MYO16: variants seen among roughly 807,000 people sequenced by gnomAD.
MYO16 encodes the protein unconventional myosin-XVI.
In MYO16, 94 loss-of-function variants were observed where a neutral mutation model predicts 205.3. The observed-to-expected ratio is 0.46, with a 90% CI of 0.39 to 0.54. MYO16 has a LOEUF of 0.54. MYO16 is among the 20% of genes least tolerant of loss of function. The pLI, the probability that MYO16 is intolerant of heterozygous loss-of-function variation, is 0.00. For synonymous variants in MYO16, 988 were observed against 954.0 expected (o/e 1.04, Z -0.66); for missense variants, 2,315 against 2,387.5 (o/e 0.97, Z 0.63).
chr13:108,849,616 CTT>C (rs71201257), intron 10 of MYO16, among the ~76,000 whole-genome samples: 5,308 of 77,676 alleles, frequency 0.068, 242 homozygotes, highest in Middle Eastern at 0.081. Context: ...TGAATTTCCT[CTT>C]TTGTGTGTGT....
the MYO16 span, among the ~76,000 whole-genome samples, chr13:108,497,925 C>A: frequency 7.9e-5 from 12 of 152,168 alleles, no homozygotes; most frequent in Non-Finnish European, 1.5e-4. Flanking sequence ...AGAAATATTG[C>A]CTTCTCCTTG....
intron 16 of MYO16, among the ~76,000 whole-genome samples, chr13:108,917,135 TTGTA>T (rs1881531701): frequency 6.6e-6 from 1 of 152,060 alleles, no homozygotes; most frequent in Non-Finnish European, 1.5e-5. Flanking sequence ...CAGTTTTACT[TTGTA>T]TGTGTTTTCT....
chr13:109,150,532 A>T (rs1401378211), intron 32 of MYO16, among the ~76,000 whole-genome samples: 1 of 152,198 alleles, frequency 6.6e-6, no homozygotes, highest in Non-Finnish European at 1.5e-5. Context: ...ACCTTAACAT[A>T]TTAGCTGTAA....
intron 16 of MYO16, among the ~76,000 whole-genome samples, chr13:108,926,920 A>G (rs1177411347): frequency 1.3e-5 from 2 of 152,236 alleles, no homozygotes; most frequent in Non-Finnish European, 2.9e-5. Context: ...AGTTCTGTTT[A>G]GGCTACAGGC....
chr13:109,013,713 C>A (rs1193142774), intron 22 of MYO16, among the ~76,000 whole-genome samples: 1 of 152,188 alleles, frequency 6.6e-6, no homozygotes. Flanking sequence ...TCTCTGATGA[C>A]CAGTGGTGAT....
At chr13:108,892,389 G>A (rs1185379376) in intron 14 of MYO16, among the ~76,000 whole-genome samples, 1 of 152,054 alleles carries the variant, frequency 6.6e-6, no homozygotes, top group African/African-American at 2.4e-5. Flanking sequence ...ACAGGCGTGT[G>A]CCACCACACC....
In MYO16 at chr13:108,603,021, A is replaced by AT. The variant is rs547836507; in HGVS notation, c.-39+6784dup. Reference sequence around the variant, plus strand: ...GGTTTGGAAGTGAAATAATGAGCCTATTGAAAAGTATGTAATAAATGAGTA... The same window carrying AT: ...GGTTTGGAAGTGAAATAATGAGCCTATTTGAAAAGTATGTAATAAATGAGTA... On this transcript the variant is annotated intron_variant, in intron 1 of 24. Coordinates refer to the MYO16 transcript ENST00000251041. 1.4e-4 allele frequency among the ~76,000 whole-genome samples: 21 copies of AT among 152,344 alleles called. No individual in the cohort carries two copies. The East Asian group carries it at 3.5e-3, about 25-fold the overall frequency.
chr13:108,785,990 G>C (rs1208213982), intron 5 of MYO16, among the ~76,000 whole-genome samples: 1 of 152,184 alleles, frequency 6.6e-6, no homozygotes, highest in East Asian at 1.9e-4. Context: ...ATTTTAACAG[G>C]CATCTAAAGT....
chr13:109,010,449 A>C (rs1424599731), intron 22 of MYO16, among the ~76,000 whole-genome samples: 1 of 152,234 alleles, frequency 6.6e-6, no homozygotes, highest in African/African-American at 2.4e-5. Context: ...TGTTGCTAGT[A>C]ATCAACCACC....
intron 21 of MYO16, among the ~76,000 whole-genome samples, chr13:109,007,093 ATGTGCACAC>A (rs1282021427): frequency 6.6e-6 from 1 of 152,204 alleles, no homozygotes; most frequent in East Asian, 1.9e-4. Context: ...GGATTTAGAA[ATGTGCACAC>A]TGCTAGCCAG....
intron 13 of MYO16, chr13:108,886,544 C>T (rs1184789559): frequency 6.6e-6 from 3 of 454,956 alleles, no homozygotes; most frequent in Non-Finnish European, 1.3e-5. Context: ...GTGCCCCCTT[C>T]TCAGTTGAAT....
intron 2 of MYO16, among the ~76,000 whole-genome samples, chr13:108,694,229 C>T (rs1883005589): frequency 1.3e-5 from 2 of 152,112 alleles, no homozygotes; most frequent in African/African-American, 4.8e-5. Context: ...TTAATAATAG[C>T]CATACTGAGT....
chr13:108,705,343 A>G (rs1373806981), intron 2 of MYO16, among the ~76,000 whole-genome samples: 2 of 152,164 alleles, frequency 1.3e-5, no homozygotes, highest in Non-Finnish European at 2.9e-5. Context: ...TTTCTGACCT[A>G]TCATCAGAAG....
intron 1 of MYO16, among the ~76,000 whole-genome samples, chr13:108,624,260 G>C (rs1470636971): frequency 6.6e-6 from 1 of 152,270 alleles, no homozygotes; most frequent in Middle Eastern, 3.4e-3. Flanking sequence ...TCAGCCTGGT[G>C]TCCCAGCTGT....
At chr13:108,826,084 T>C (rs908740418) in intron 9 of MYO16, among the ~76,000 whole-genome samples, 2 of 152,050 alleles carry the variant, frequency 1.3e-5, no homozygotes, top group Non-Finnish European at 1.5e-5. Flanking sequence ...ATATTTAAAA[T>C]CACATAACAA....
chr13:108,817,023 A>T (rs189209694), intron 7 of MYO16, among the ~76,000 whole-genome samples: 8 of 152,318 alleles, frequency 5.3e-5, no homozygotes, highest in African/African-American at 1.9e-4. Flanking sequence ...ATAGTACTTC[A>T]GTGGCTAAAA....
At chr13:108,551,678 A>G in the MYO16 span, among the ~76,000 whole-genome samples, 2 of 152,242 alleles carry the variant, frequency 1.3e-5, no homozygotes, top group East Asian at 3.9e-4. Flanking sequence ...TGCCCAGGGG[A>G]TAAATTTTCA....
At position 108,640,664 on chromosome 13, in the gene MYO16, A is replaced by G. The variant is rs545349670; in HGVS notation, c.28+10792A>G. 7.5e-4 allele frequency among the ~76,000 whole-genome samples: 113 copies of G among 150,282 alleles called. 1 individual carries two copies. Among genetic ancestry groups the G allele is most frequent in the African/African-American group, 2.7e-3 (107 of 40,200 alleles). ...CCTCTGCCGGTGGTCCAAAGCCCTC[A>G]ACAATTTGTCCTGTATTTACAGAGT... On this transcript the variant is annotated intron_variant, in intron 1 of 34. Transcript: ENST00000457511.
At chr13:108,648,584 A>G (rs1181603461) in intron 1 of MYO16, among the ~76,000 whole-genome samples, 2 of 150,948 alleles carry the variant, frequency 1.3e-5, no homozygotes, top group African/African-American at 4.8e-5. Flanking sequence ...TATATAATAA[A>G]TATTCTATAT....
Sources: allele counts gnomAD v4.1 joint callset (sites outside exome capture counted in the v4.1 genomes callset), GRCh38; gene constraint gnomAD v4.1.1; transcripts MANE v1.5; gene names NCBI Gene and HGNC (gene_info 2026-07-23, HGNC 2026-07-21).